The following PKD1L1 variants were observed in gnomAD, a reference collection of about 807,000 sequenced individuals.
PKD1L1 encodes polycystin-1-like protein 1.
Under a neutral mutation model 323.4 loss-of-function variants are expected in PKD1L1, and 236 were observed. That is an observed-to-expected ratio of 0.73 (90% CI 0.66 to 0.81). PKD1L1 has a LOEUF of 0.81. Ranked by LOEUF, PKD1L1 falls within the 40% of genes least tolerant of loss-of-function variation. The pLI is 0.00. For synonymous variants in PKD1L1, 1,344 were observed against 1,335.0 expected (o/e 1.01, Z -0.15); for missense variants, 3,320 against 3,508.0 (o/e 0.95, Z 1.35).
chr7:47,959,391 GGCC>G, the PKD1L1 span, among the ~76,000 whole-genome samples: 1 of 143,734 alleles, frequency 7.0e-6, no homozygotes, highest in Non-Finnish European at 1.5e-5. Flanking sequence ...GCCTCTTCCC[GGCC>G]GCCATCCCAT....
rs1448144536 is a variant in PKD1L1 at position 47,855,017 on chromosome 7, G to A, written c.4724C>T (p.Thr1575Ile). ...DGLDNRRNKT[T>I]FVLLRDKVNL... The stretch of plus-strand genomic sequence containing the variant: ...CACTTTATCCCGAAGTAATACAAAT[G>A]TCGTTTTATTTCTCCTATTATCCTG... The change falls in exon 30 of 57, where the codon ACA becomes ATA. Residue 1575 changes from threonine (T) to isoleucine (I), a missense_variant. Coordinates refer to ENST00000289672, the MANE Select transcript of PKD1L1 (RefSeq NM_138295.5). 6.2e-7 allele frequency: 1 copy of A among 1,612,778 alleles called. No homozygotes were observed. Among genetic ancestry groups the A allele is most frequent in the Non-Finnish European group, 8.5e-7 (1 of 1,179,780 alleles).
chr7:47,795,266 C>T (rs1784493247), intron 55 of PKD1L1: 1 of 431,816 alleles, frequency 2.3e-6, no homozygotes, highest in Non-Finnish European at 4.6e-6. Flanking sequence ...GTAATTGAAT[C>T]ATAGGGGCTG....
intron 37 of PKD1L1, 75 bp from the exon 38 acceptor site, chr7:47,835,318 C>T (rs922557233): frequency 2.3e-6 from 2 of 875,540 alleles, no homozygotes; most frequent in South Asian, 1.6e-5. Context: ...TGTGTAATTA[C>T]AAATACATGT....
intron 1 of PKD1L1, among the ~76,000 whole-genome samples, chr7:47,947,641 G>A (rs1162666113): frequency 2.6e-5 from 4 of 152,232 alleles, no homozygotes; most frequent in Admixed American, 6.5e-5. Context: ...GGGTGCTGGC[G>A]CGCACAGAGC....
At chr7:47,804,469 A>ATTTTTT (rs71966592) in intron 52 of PKD1L1, among the ~76,000 whole-genome samples, 2 of 123,040 alleles carry the variant, frequency 1.6e-5, no homozygotes, top group African/African-American at 3.0e-5. Flanking sequence ...TACATTTTTA[A>ATTTTTT]TTTTTTTTTT....
chr7:47,848,293 G>C (rs923154957), intron 31 of PKD1L1, among the ~76,000 whole-genome samples: 12 of 152,062 alleles, frequency 7.9e-5, no homozygotes, highest in African/African-American at 2.2e-4. Flanking sequence ...ATACATAGGA[G>C]ACTGGCTGAA....
chr7:47,864,576 TTTTCTTTCTTTCTTTCTTTCTTTCTTTC>T (rs199500886), intron 26 of PKD1L1, among the ~76,000 whole-genome samples: 14,429 of 107,546 alleles, frequency 0.13, 991 homozygotes, highest in African/African-American at 0.2. Flanking sequence ...TTTTTCTTTC[TTTTCTTTCTTTCTTTCTTTCTTTCTTTC>T]TTTCTTTCTT....
the PKD1L1 span, among the ~76,000 whole-genome samples, chr7:47,958,910 G>A: frequency 6.6e-6 from 1 of 152,120 alleles, no homozygotes; most frequent in Non-Finnish European, 1.5e-5. Context: ...TCGGCTCACT[G>A]CAGCCTCCCT....
At chr7:47,829,771 C>T (rs925205713) in intron 43 of PKD1L1, among the ~76,000 whole-genome samples, 170 bp from the exon 44 acceptor site, 1 of 152,178 alleles carries the variant, frequency 6.6e-6, no homozygotes, top group Non-Finnish European at 1.5e-5. Flanking sequence ...GGCATGGCCC[C>T]GCCCAAGAGA....
chr7:47,847,152 G>A lies in PKD1L1; in HGVS notation c.4961-81C>T, dbSNP rs1415391652. The A allele has an allele frequency of 2.6e-6, 3 of 1,152,706 alleles. No homozygotes were observed. The African/African-American group carries it at 4.8e-5, about 18-fold the overall frequency. The allele number at this position is 1,152,706 out of a possible 1,614,324, so 71.4% of individuals were successfully genotyped here. Reference sequence around the variant, plus strand: ...CTCCATTTCAAACGCAGACAGAGTAGGCAGATAGGTGGGGACAAGGACTAC... The same window carrying A: ...CTCCATTTCAAACGCAGACAGAGTAAGCAGATAGGTGGGGACAAGGACTAC... On this transcript the variant is annotated intron_variant, in intron 31 of 56. Transcript: ENST00000289672.
chr7:47,807,877 A>G (rs950510793), intron 52 of PKD1L1, among the ~76,000 whole-genome samples: 12 of 152,174 alleles, frequency 7.9e-5, no homozygotes, highest in African/African-American at 2.7e-4. Flanking sequence ...TACTGCCTGC[A>G]TTTATGACTG....
At chr7:47,866,269 T>C (rs1786166762) in intron 25 of PKD1L1, 150 bp downstream of exon 25, 3 of 668,132 alleles carry the variant, frequency 4.5e-6, no homozygotes, top group East Asian at 5.5e-5. Flanking sequence ...ACCACAGCCA[T>C]GTATGGGAGC....
In PKD1L1 at chr7:47,811,838, C is replaced by G. The variant is rs912186473; in HGVS notation, c.7560G>C (p.Gln2520His). 1.2e-6 allele frequency: 2 copies of G among 1,606,700 alleles called. No homozygotes were observed. Among genetic ancestry groups the G allele is most frequent in the Non-Finnish European group, 1.7e-6 (2 of 1,177,060 alleles). ...TCACCTGGGGAAGCATGAGGTGGTA[C>G]TGCAGGGCTGAGTCGCTGCGGAAGA... The part of the protein sequence containing the change: ...FSIFRSDSAL[Q>H]YHLMLPQLVF... Residue 2520 changes from glutamine (Q) to histidine (H), a missense_variant, in exon 50 of 57, where the codon CAG becomes CAC. Coordinates refer to ENST00000289672, the MANE Select transcript of PKD1L1 (RefSeq NM_138295.5).
At chr7:47,803,840 T>C (rs1445880872) in intron 52 of PKD1L1, among the ~76,000 whole-genome samples, 1 of 152,236 alleles carries the variant, frequency 6.6e-6, no homozygotes, top group Non-Finnish European at 1.5e-5. Context: ...CTCCACTTTA[T>C]ATCTCTAGAG....
intron 55 of PKD1L1, among the ~76,000 whole-genome samples, chr7:47,794,773 C>A (rs1784482664): frequency 6.6e-6 from 1 of 152,322 alleles, no homozygotes; most frequent in African/African-American, 2.4e-5. Flanking sequence ...CAGAGCTGCC[C>A]AAGACCATGG....
chr7:47,781,396 T>G (rs1358995503), intron 56 of PKD1L1, among the ~76,000 whole-genome samples: 1 of 79,260 alleles, frequency 1.3e-5, no homozygotes, highest in African/African-American at 4.5e-5. Flanking sequence ...GGTTTTTTTT[T>G]TTGTTTTGTT....
At chr7:47,775,268 A>C in intron 56 of PKD1L1, 102 bp from the exon 57 acceptor site, 1 of 1,316,340 alleles carries the variant, frequency 7.6e-7, no homozygotes. Context: ...AGACCTGAAC[A>C]CCACCATCAG....
Position 47,894,020 on chromosome 7 carries a change from C to T in PKD1L1, c.2311G>A (p.Val771Met). ...GCCTGGGCTCGCACCTCCAGGCCCA[C>T]ACAGTAGTTGCTGTACACCACACTG... Reference protein sequence around the residue: ...EGSVVYSNYCVGLEVRAQAPV... With the variant: ...EGSVVYSNYCMGLEVRAQAPV... Residue 771 changes from valine to methionine, a missense_variant, in exon 15 of 57, where the codon GTG becomes ATG. Physicochemically the swap from Val to Met is conservative, Grantham distance 21. Coordinates refer to ENST00000289672, the MANE Select transcript of PKD1L1 (RefSeq NM_138295.5). 6.2e-7 allele frequency: 1 copy of T among 1,605,500 alleles called. No homozygotes were observed. The highest frequency in any genetic ancestry group is 8.5e-7 in the Non-Finnish European group (1 of 1,175,986).
At position 47,902,216 on chromosome 7, in the gene PKD1L1, C is replaced by T. The variant is rs116960854; in HGVS notation, c.2064+163G>A. 4.1e-3 allele frequency among the ~76,000 whole-genome samples: 624 copies of T among 152,284 alleles called. 1 individual carries two copies. Among genetic ancestry groups the T allele is most frequent in the Non-Finnish European group, 6.1e-3 (418 of 68,018 alleles). The stretch of plus-strand genomic sequence containing the variant: ...CCCTCCCCTGAGGACCCAGGTCACC[C>T]GCTCTGAAGCCCTTATAGGCACTCC... On this transcript the variant is annotated intron_variant, in intron 13 of 56. Transcript: ENST00000289672.
Sources: gnomAD v4.1 joint callset for allele counts (sites outside exome capture counted in the v4.1 genomes callset) on GRCh38, gnomAD v4.1.1 for gene constraint, MANE v1.5 for transcripts, NCBI Gene and HGNC (gene_info 2026-07-23, HGNC 2026-07-21) for gene names.